The following ACSL4 variants were observed in gnomAD, a reference collection of about 807,000 sequenced individuals.
ACSL4 encodes acyl-CoA synthetase long chain family member 4, also known as long-chain-fatty-acid--CoA ligase 4.
In ACSL4, 9 loss-of-function variants were observed where a neutral mutation model predicts 49.1. That is an observed-to-expected ratio of 0.18 (90% confidence interval 0.11 to 0.32). ACSL4 has a LOEUF of 0.32. Ranked by LOEUF, ACSL4 falls within the 10% of genes least tolerant of loss-of-function variation. The pLI is 1.00. For missense variants in ACSL4, 333 were observed against 493.7 expected (o/e 0.67, Z 3.08); for synonymous variants, 191 against 170.3 (o/e 1.12, Z -0.95).
chrX:109,671,980 T>C (rs1923293419), intron 9 of ACSL4, among the ~76,000 whole-genome samples: 1 of 107,276 alleles, frequency 9.3e-6, no homozygotes, highest in South Asian at 4.2e-4. Context: ...CCAGAGACCT[T>C]TGTTCACATG....
intron 1 of ACSL4, among the ~76,000 whole-genome samples, chrX:109,704,096 T>C (rs1926172834): frequency 9.0e-6 from 1 of 111,024 alleles, no homozygotes; most frequent in South Asian, 3.8e-4. Flanking sequence ...TCGCATTTCT[T>C]AGAAGTATGA....
intron 7 of ACSL4, 66 bp from the exon 8 acceptor site, chrX:109,678,177 G>C: frequency 5.8e-6 from 7 of 1,202,690 alleles, no homozygotes; most frequent in Non-Finnish European, 7.9e-6. Flanking sequence ...GAAATACCAA[G>C]AGCTTTATCA....
Position 109,641,982 on chromosome X carries a change from G to T in ACSL4, c.*2047C>A, listed in dbSNP as rs942767611. On this transcript the variant is annotated 3_prime_UTR_variant, in exon 16 of 16. Transcript: ENST00000672401. ...GTTTACATAAACATGTATATTTTTAGATGGAAAATCAAGGGGTAGTGGCAT... is the reference window on the plus strand; with the variant it reads ...GTTTACATAAACATGTATATTTTTATATGGAAAATCAAGGGGTAGTGGCAT... 1.8e-5 allele frequency: 2 copies of T among 112,027 alleles called. No homozygotes were observed. The highest frequency in any genetic ancestry group is 6.5e-5 in the African/African-American group (2 of 30,779). 9.2% of individuals were successfully genotyped at this position (112,027 alleles called of 1,213,427 possible). A position where few individuals can be genotyped will look rare whatever the true frequency, so the allele number is the denominator to read the frequency against.
rs891125045 is a variant in ACSL4, at chrX:109,733,246, G to A, written c.-173C>T. ...AGCGCTGGGACGAGGAGGAGCGCGC[G>A]GCGGAGGCCAGAGAAAAAGCCGCAG... is the stretch of plus-strand genomic sequence containing the variant. On this transcript the variant is annotated 5_prime_UTR_variant, in exon 1 of 16. Coordinates refer to ENST00000672401, the MANE Select transcript of ACSL4 (RefSeq NM_001318510.2). 3 of 312,311 alleles carry A rather than the reference G, an allele frequency of 9.6e-6. No homozygotes were observed. The highest frequency in any genetic ancestry group is 1.8e-5 in the Non-Finnish European group (3 of 163,208). 25.7% of individuals were successfully genotyped at this position (312,311 alleles called of 1,213,427 possible).
At chrX:109,658,868 G>A (rs1186668413) in intron 15 of ACSL4, among the ~76,000 whole-genome samples, 1 of 111,903 alleles carries the variant, frequency 8.9e-6, no homozygotes, top group African/African-American at 3.3e-5. Flanking sequence ...CAAGAAATGA[G>A]TCTTACTACT....
At chrX:109,730,735 C>G (rs1470763787) in intron 1 of ACSL4, among the ~76,000 whole-genome samples, 1 of 112,384 alleles carries the variant, frequency 8.9e-6, no homozygotes, top group East Asian at 2.8e-4. Flanking sequence ...GGCGCGATCT[C>G]GGCTCACTGC....
chrX:109,666,119 C>T (rs963280249), intron 11 of ACSL4, among the ~76,000 whole-genome samples: 15 of 112,389 alleles, frequency 1.3e-4, no homozygotes, highest in Non-Finnish European at 2.4e-4. Flanking sequence ...AGACCCTGCA[C>T]TCAATGACCT....
chrX:109,661,682 A>G, intron 13 of ACSL4, 37 bp from the exon 14 acceptor site: 2 of 913,470 alleles, frequency 2.2e-6, no homozygotes, highest in Non-Finnish European at 3.2e-6. Context: ...CTGTTTAACT[A>G]AGGTATATGC....
intron 2 of ACSL4, among the ~76,000 whole-genome samples, chrX:109,695,368 G>A (rs989032483): frequency 1.9e-5 from 2 of 107,425 alleles, no homozygotes; most frequent in African/African-American, 6.7e-5. Flanking sequence ...AAAAGAATAA[G>A]CTTCAACGTA....
chrX:109,657,690 G>A (rs374818633), intron 15 of ACSL4, among the ~76,000 whole-genome samples: 27 of 111,693 alleles, frequency 2.4e-4, no homozygotes, highest in East Asian at 8.4e-4. Flanking sequence ...GTGTGCATGT[G>A]TCTTTACAGC....
At chrX:109,652,785 C>T (rs1921255825) in intron 15 of ACSL4, among the ~76,000 whole-genome samples, 1 of 110,762 alleles carries the variant, frequency 9.0e-6, no homozygotes, top group Non-Finnish European at 1.9e-5. Context: ...TGTAACAAAA[C>T]CACCTTGAAG....
chrX:109,677,600 G>A (rs888483469), intron 8 of ACSL4, among the ~76,000 whole-genome samples: 5 of 109,269 alleles, frequency 4.6e-5, no homozygotes, highest in African/African-American at 6.7e-5. Flanking sequence ...CCAACATGGC[G>A]AAACCCCATC....
intron 1 of ACSL4, among the ~76,000 whole-genome samples, chrX:109,723,980 G>A (rs1417527224): frequency 9.0e-6 from 1 of 111,578 alleles, no homozygotes; most frequent in Non-Finnish European, 1.9e-5. Context: ...TCTTTTCCTG[G>A]GAAATGCCCA....
chrX:109,651,196 A>G (rs1921107986), intron 15 of ACSL4, among the ~76,000 whole-genome samples: 1 of 112,099 alleles, frequency 8.9e-6, no homozygotes, highest in Non-Finnish European at 1.9e-5. Context: ...AGTAATATTA[A>G]TCAACAGATG....
chrX:109,683,233 T>C lies in ACSL4; in HGVS notation c.131A>G (p.His44Arg). The stretch of plus-strand genomic sequence containing the variant: ...CTTCTTCCCAAACTTGGATACAGCA[T>C]GGTCAAATAATTTATCCAGAGTATC... ...GADTLDKLFD[H>R]AVSKFGKKDS... Residue 44 changes from histidine to arginine, a missense_variant, in exon 3 of 16, where the codon CAT becomes CGT. Around this residue, in one of 3 missense-constraint regions of ACSL4, gnomAD observed 157 missense variants for 201.1 expected, o/e 0.78. Coordinates refer to ENST00000672401, the MANE Select transcript of ACSL4 (RefSeq NM_001318510.2). 1 of 1,212,068 alleles carries C rather than the reference T, an allele frequency of 8.3e-7. No individual in the cohort carries two copies. Among genetic ancestry groups the C allele is most frequent in the South Asian group, 1.8e-5 (1 of 57,040 alleles).
chrX:109,684,345 C>A (rs1350779092), intron 2 of ACSL4, among the ~76,000 whole-genome samples: 1 of 112,763 alleles, frequency 8.9e-6, no homozygotes, highest in East Asian at 2.8e-4. Context: ...TAATTCCTGG[C>A]CCTTGGCCAT....
chrX:109,705,944 G>A (rs150560489), intron 1 of ACSL4, among the ~76,000 whole-genome samples: 2,063 of 112,759 alleles, frequency 0.018, 32 homozygotes, highest in African/African-American at 0.062. Flanking sequence ...TGATCCACCC[G>A]TCTCAGCCTC....
Position 109,669,004 on chromosome X carries a change from C to G in ACSL4, c.1142+30G>C. On this transcript the variant is annotated intron_variant, in intron 10 of 15. Transcript: ENST00000672401. ...AAAAGCATAAAAAAATTTAAAGGCTCAAACCACAGAGCCTATGAAATGTAC... is the reference window on the plus strand; with the variant it reads ...AAAAGCATAAAAAAATTTAAAGGCTGAAACCACAGAGCCTATGAAATGTAC... The G allele has an allele frequency of 3.4e-6, 4 of 1,179,127 alleles. No individual in the cohort carries two copies. In the South Asian group the frequency reaches 7.5e-5, roughly 22 times the overall value.
chrX:109,710,760 G>A (rs1307862875), intron 1 of ACSL4, among the ~76,000 whole-genome samples: 1 of 111,681 alleles, frequency 9.0e-6, no homozygotes, highest in African/African-American at 3.3e-5. Flanking sequence ...ACCCAGGCTG[G>A]AGTACAGTGG....
Sources: gnomAD v4.1 joint callset for allele counts (sites outside exome capture counted in the v4.1 genomes callset) on GRCh38, gnomAD v4.1.1 for gene constraint, gnomAD v4.1.1 regional missense constraint, MANE v1.5 for transcripts, NCBI Gene and HGNC (gene_info 2026-07-23, HGNC 2026-07-21) for gene names.